The following CDC42BPB variants were observed in gnomAD, a reference collection of about 807,000 sequenced individuals.
The protein encoded by CDC42BPB is CDC42 binding protein kinase beta.
In CDC42BPB, 37 loss-of-function variants were observed where a neutral mutation model predicts 214.9. That is an observed-to-expected ratio of 0.17 (90% confidence interval 0.13 to 0.23). The LOEUF is 0.23. CDC42BPB is among the 10% of genes least tolerant of loss of function. The pLI is 1.00. For missense variants in CDC42BPB, 1,694 were observed against 2,227.0 expected (o/e 0.76, Z 4.82); for synonymous variants, 931 against 884.0 (o/e 1.05, Z -0.94).
At chr14:102,942,859 C>T (rs1036727324) in intron 30 of CDC42BPB, among the ~76,000 whole-genome samples, 37 of 151,960 alleles carry the variant, frequency 2.4e-4, no homozygotes, top group Middle Eastern at 3.4e-3. Context: ...CATGTGGCAC[C>T]GTGCCTGGCT....
chr14:102,990,369 G>A (rs967375930), intron 5 of CDC42BPB, among the ~76,000 whole-genome samples: 2 of 152,164 alleles, frequency 1.3e-5, no homozygotes, highest in East Asian at 3.9e-4. Flanking sequence ...GAATGCCTGC[G>A]GGCAGGTTTG....
intron 20 of CDC42BPB, 43 bp from the exon 21 acceptor site, chr14:102,959,753 G>T (rs773383305): frequency 3.4e-6 from 5 of 1,476,968 alleles, no homozygotes; most frequent in Non-Finnish European, 4.6e-6. Context: ...AAAAACTAAA[G>T]TCTACATATT....
intron 36 of CDC42BPB, among the ~76,000 whole-genome samples, chr14:102,934,531 CACAAA>C (rs1173035237): frequency 2.0e-5 from 3 of 151,726 alleles, no homozygotes; most frequent in Non-Finnish European, 4.4e-5. Flanking sequence ...GAGACTCCGT[CACAAA>C]ACAAAACAAA....
chr14:102,988,015 G>A (rs1355404540), intron 5 of CDC42BPB, among the ~76,000 whole-genome samples: 2 of 151,878 alleles, frequency 1.3e-5, no homozygotes, highest in African/African-American at 4.8e-5. Context: ...ACACACGCAC[G>A]CACTAGACAA....
chr14:103,057,235 G>GGGCGCGCCCTCGGGGGCTCGGCGGC lies in CDC42BPB; in HGVS notation c.-87_-63dup. ...CACCGCCGGCTCGGCCAGTCCGTCA[G>GGGCGCGCCCTCGGGGGCTCGGCGGC]GGCGCGCCCTCGGGGGCTCGGCGGC... On this transcript the variant is annotated 5_prime_UTR_variant, in exon 1 of 37. An upstream open reading frame in the 5' UTR loses its in-frame stop. Transcript: ENST00000361246. 3 of 1,226,866 alleles carry GGGCGCGCCCTCGGGGGCTCGGCGGC rather than the reference G, an allele frequency of 2.4e-6. No homozygotes were observed. The highest frequency in any genetic ancestry group is 3.1e-6 in the Non-Finnish European group (3 of 983,086). 76.0% of individuals were successfully genotyped at this position (1,226,866 alleles called of 1,614,324 possible).
chr14:102,955,131 C>A (rs1405408937), intron 21 of CDC42BPB, among the ~76,000 whole-genome samples: 2 of 152,192 alleles, frequency 1.3e-5, no homozygotes, highest in African/African-American at 4.8e-5. Context: ...GCCTTAAGAT[C>A]AATTAGCCAG....
intron 6 of CDC42BPB, among the ~76,000 whole-genome samples, chr14:102,986,097 CAA>C (rs1409784311): frequency 6.6e-6 from 1 of 151,904 alleles, no homozygotes; most frequent in East Asian, 1.9e-4. Flanking sequence ...TGCCCCAACA[CAA>C]GTGAGAAAGT....
At chr14:103,034,541 T>G (rs1887560755) in intron 1 of CDC42BPB, among the ~76,000 whole-genome samples, 2 of 152,062 alleles carry the variant, frequency 1.3e-5, no homozygotes, top group Non-Finnish European at 2.9e-5. Flanking sequence ...AGGCTGGGTG[T>G]GGTGGCTCAT....
At chr14:103,012,277 T>C in intron 1 of CDC42BPB, 89 bp from the exon 2 acceptor site, 1 of 1,479,684 alleles carries the variant, frequency 6.8e-7, no homozygotes, top group African/African-American at 1.4e-5. Context: ...CACTAAGTTA[T>C]ACTTTTAAAA....
chr14:103,022,900 C>A (rs71417837), intron 1 of CDC42BPB, among the ~76,000 whole-genome samples: 6 of 152,160 alleles, frequency 3.9e-5, no homozygotes, highest in Non-Finnish European at 7.4e-5. Flanking sequence ...TCACCCACCC[C>A]CCTCAGGCTC....
At chr14:103,000,355 G>A (rs1349547324) in intron 4 of CDC42BPB, among the ~76,000 whole-genome samples, 1 of 152,264 alleles carries the variant, frequency 6.6e-6, no homozygotes, top group Admixed American at 6.5e-5. Context: ...GCGACCCCGA[G>A]GTGAGCCTGC....
chr14:102,943,223 C>G lies in CDC42BPB; in HGVS notation c.4408+668G>C, dbSNP rs766583161. Reference sequence around the variant, plus strand: ...TTCTGAGCTCAAGTGAGCCTCCTGCCTCAGTCTCGCACAGTGCTGGGATTA... The same window carrying G: ...TTCTGAGCTCAAGTGAGCCTCCTGCGTCAGTCTCGCACAGTGCTGGGATTA... On this transcript the variant is annotated intron_variant, in intron 30 of 36. Transcript: ENST00000361246. The surrounding 1 kb of genome is among the most constrained non-coding windows in gnomAD (Gnocchi z 4.6). Among the ~76,000 whole-genome samples the G allele has an allele frequency of 2.4e-4, 37 of 152,296 alleles. No individual in the cohort carries two copies. The highest frequency in any genetic ancestry group is 3.3e-4 in the Admixed American group (5 of 15,292).
At chr14:102,994,283 C>T (rs1894625620) in intron 5 of CDC42BPB, among the ~76,000 whole-genome samples, 1 of 152,218 alleles carries the variant, frequency 6.6e-6, no homozygotes, top group Non-Finnish European at 1.5e-5. Context: ...AGGCCATCTT[C>T]CTTGTATACC....
intron 4 of CDC42BPB, among the ~76,000 whole-genome samples, chr14:103,000,913 G>T (rs933109632): frequency 1.3e-5 from 2 of 152,160 alleles, no homozygotes; most frequent in Non-Finnish European, 2.9e-5. Context: ...CAAAGACCTG[G>T]GCCCAACAGT....
chr14:103,049,105 T>G (rs892878595), intron 1 of CDC42BPB, among the ~76,000 whole-genome samples: 13 of 152,140 alleles, frequency 8.5e-5, no homozygotes, highest in African/African-American at 3.1e-4. Flanking sequence ...TTTCAGGCAG[T>G]GGAGGGACAA....
At chr14:103,046,197 C>T (rs2139765435) in intron 1 of CDC42BPB, among the ~76,000 whole-genome samples, 1 of 152,030 alleles carries the variant, frequency 6.6e-6, no homozygotes, top group Non-Finnish European at 1.5e-5. Flanking sequence ...TTCCCAGAAA[C>T]TGACAGCTAT....
At chr14:102,964,042 C>T (rs1893076515) in intron 19 of CDC42BPB, among the ~76,000 whole-genome samples, 1 of 152,154 alleles carries the variant, frequency 6.6e-6, no homozygotes, top group South Asian at 2.1e-4. Context: ...ATGGCGTTCT[C>T]GTTACTGCTT....
chr14:103,023,415 C>A (rs1251019573), intron 1 of CDC42BPB, among the ~76,000 whole-genome samples: 1 of 152,048 alleles, frequency 6.6e-6, no homozygotes, highest in Non-Finnish European at 1.5e-5. Context: ...GATCCACCTG[C>A]CTTGGCCTCC....
At chr14:102,988,411 AAG>A (rs1424436556) in intron 5 of CDC42BPB, among the ~76,000 whole-genome samples, 1 of 152,224 alleles carries the variant, frequency 6.6e-6, no homozygotes. Flanking sequence ...GATTAAAAAA[AAG>A]AAAATATCAA....
Sources: gnomAD v4.1 joint callset for allele counts (sites outside exome capture counted in the v4.1 genomes callset) on GRCh38, gnomAD v4.1.1 for gene constraint, Gnocchi (gnomAD v3.1) non-coding constraint, MANE v1.5 for transcripts, NCBI Gene and HGNC (gene_info 2026-07-23, HGNC 2026-07-21) for gene names.